Variants in ALOX15 observed in about 807,000 individuals in gnomAD.
ALOX15 encodes the protein arachidonate 15-lipoxygenase.
In ALOX15, 68 loss-of-function variants were observed where a neutral mutation model predicts 71.7. That is an observed-to-expected ratio of 0.95 (90% CI 0.78 to 1.16). ALOX15 has a LOEUF of 1.16. ALOX15 is among the 50% of genes most tolerant of loss of function. The pLI is 0.00. For synonymous variants in ALOX15, 346 were observed against 333.3 expected (o/e 1.04, Z -0.42); for missense variants, 798 against 818.8 (o/e 0.97, Z 0.31).
At position 4,639,423 on chromosome 17, in the gene ALOX15, C is replaced by G. The variant is rs773888759; in HGVS notation, c.337+7G>C. 6.2e-7 allele frequency: 1 copy of G among 1,613,220 alleles called. No homozygotes were observed. The highest frequency in any genetic ancestry group is 1.3e-5 in the African/African-American group (1 of 74,926). On this transcript the variant is annotated splice_region_variant and intron_variant, in intron 2 of 13. Transcript: ENST00000293761. The stretch of plus-strand genomic sequence containing the variant: ...AGGCCTCCTGACACCCTCAGCCCCG[C>G]GCTTACCGGTGCCTTCAGGCAGGCT...
Position 4,632,298 on chromosome 17 carries a change from GAGTT to G in ALOX15, c.1541-21_1541-18del. 2 of 1,609,498 alleles carry G rather than the reference GAGTT, an allele frequency of 1.2e-6. No homozygotes were observed. Among genetic ancestry groups the G allele is most frequent in the East Asian group, 2.2e-5 (1 of 44,854 alleles). The stretch of plus-strand genomic sequence containing the variant: ...CAGGAAACCCTGCAAGGGGTGAAGA[GAGTT>G]AGAAGCTGCGAAGGCAGGAGTAGGG... On this transcript the variant is annotated intron_variant, in intron 11 of 13. Coordinates refer to ENST00000293761, the MANE Select transcript of ALOX15 (RefSeq NM_001140.5).
Position 4,631,553 on chromosome 17 carries a change from T to G in ALOX15, c.*47A>C, listed in dbSNP as rs1456449634. The G allele has an allele frequency of 1.2e-6, 2 of 1,604,532 alleles. No individual in the cohort carries two copies. Among genetic ancestry groups the G allele is most frequent in the Admixed American group, 3.3e-5 (2 of 59,750 alleles). On this transcript the variant is annotated 3_prime_UTR_variant, in exon 14 of 14. Coordinates refer to ENST00000293761, the MANE Select transcript of ALOX15 (RefSeq NM_001140.5). ...GGGCTATAACCACGAAGGGGTCAGC[T>G]TGTGGCTTGGGTGATGGGGGCTGAA... is the stretch of plus-strand genomic sequence containing the variant.
chr17:4,631,888 C>T lies in ALOX15; in HGVS notation c.1809+1G>A. On this transcript the variant is annotated splice_donor_variant, in intron 13 of 13. Coordinates refer to ENST00000293761, the MANE Select transcript of ALOX15 (RefSeq NM_001140.5). LOFTEE classifies it high-confidence loss of function. ...TAGGGCCCTGGGCACTCAGCTCTCACCATAACGGGCTGGCGTCTGCCCAGC... is the reference window on the plus strand; with the variant it reads ...TAGGGCCCTGGGCACTCAGCTCTCATCATAACGGGCTGGCGTCTGCCCAGC... 1 of 1,610,808 alleles carries T rather than the reference C, an allele frequency of 6.2e-7. No individual in the cohort carries two copies. Among genetic ancestry groups the T allele is most frequent in the Non-Finnish European group, 8.5e-7 (1 of 1,178,110 alleles).
intron 8 of ALOX15, 98 bp from the exon 9 acceptor site, chr17:4,633,598 G>A: frequency 2.9e-6 from 3 of 1,025,760 alleles, no homozygotes; most frequent in Admixed American, 4.1e-5. Flanking sequence ...CAGGTCTTCA[G>A]AAAAAGCACA....
At chr17:4,639,020 G>A in intron 3 of ALOX15, 31 bp downstream of exon 3, 1 of 1,614,208 alleles carries the variant, frequency 6.2e-7, no homozygotes, top group South Asian at 1.1e-5. Context: ...AGCATCAGCA[G>A]CTCACGTGGG....
chr17:4,635,867 G>T lies in ALOX15; in HGVS notation c.1053C>A (p.Asp351Glu). 6.2e-7 allele frequency: 1 copy of T among 1,614,264 alleles called. No homozygotes were observed. The highest frequency in any genetic ancestry group is 8.5e-7 in the Non-Finnish European group (1 of 1,180,038). Residue 351 changes from aspartate to glutamate, a missense_variant, in exon 8 of 14, where the codon GAC becomes GAA. This residue lies in a region of ALOX15 where 490 missense variants were observed against 509.4 expected (regional missense o/e 0.96). Transcript: ENST00000293761. The stretch of plus-strand genomic sequence containing the variant: ...GAGACTGCAGCTCATGGAGCTGGAA[G>T]TCAGAGCTGCGCACCCAGCATTTGG... ...LLAKCWVRSS[D>E]FQLHELQSHL... is the part of the protein sequence containing the mutation.
Position 4,631,723 on chromosome 17 carries a change from CA to C in ALOX15, c.1865del (p.Val622GlyfsTer2). 6.2e-7 allele frequency: 1 copy of C among 1,614,220 alleles called. No homozygotes were observed. Among genetic ancestry groups the C allele is most frequent in the Non-Finnish European group, 8.5e-7 (1 of 1,180,044 alleles). On this transcript the variant is annotated frameshift_variant, in exon 14 of 14. Coordinates refer to ENST00000293761, the MANE Select transcript of ALOX15 (RefSeq NM_001140.5). LOFTEE classifies it low-confidence loss of function (END_TRUNC). ...EYFSGPEPKA[V>X]LKKFREELAA... ...CCAGCTCCTCCCTGAACTTCTTCAGCACAGCCTTAGGCTCAGGGCCCGAAAA... is the reference window on the plus strand; with the variant it reads ...CCAGCTCCTCCCTGAACTTCTTCAGCCAGCCTTAGGCTCAGGGCCCGAAAA...
rs761685309 is a variant in ALOX15, at chr17:4,635,910, G to T, written c.1010C>A (p.Pro337Gln). The T allele has an allele frequency of 6.2e-7, 1 of 1,614,234 alleles. No homozygotes were observed. Among genetic ancestry groups the T allele is most frequent in the Non-Finnish European group, 8.5e-7 (1 of 1,180,048 alleles). The change falls in exon 8 of 14, where the codon CCA becomes CAA. Residue 337 changes from proline (P) to glutamine (Q), a missense_variant. Transcript: ENST00000293761. Reference protein sequence around the residue: ...PPPLFLPTDPPMAWLLAKCWV... With the variant: ...PPPLFLPTDPQMAWLLAKCWV... ...GCATTTGGCCAGAAGCCAGGCCATT[G>T]GGGGATCCGTAGGCAAGAAAAGGGG...
chr17:4,632,579 CA>C (rs1346032551), intron 11 of ALOX15, among the ~76,000 whole-genome samples: 1 of 152,102 alleles, frequency 6.6e-6, no homozygotes, highest in African/African-American at 2.4e-5. Context: ...ATATTTATAC[CA>C]TGGAAATGTG....
Position 4,631,100 on chromosome 17 carries a change from G to A in ALOX15, c.*500C>T, listed in dbSNP as rs184061120. ...AAATATTAGCTGGGCATGATGGCAT[G>A]AGCCTGTAGTCCCAGCTACTCAGGA... On this transcript the variant is annotated 3_prime_UTR_variant, in exon 14 of 14. Transcript: ENST00000293761. 2.4e-3 allele frequency: 370 copies of A among 153,070 alleles called. 2 individuals carry two copies. The highest frequency in any genetic ancestry group is 0.014 in the Middle Eastern group (4 of 294). 9.5% of individuals were successfully genotyped at this position (153,070 alleles called of 1,614,324 possible).
chr17:4,631,276 T>G lies in ALOX15; in HGVS notation c.*324A>C. On this transcript the variant is annotated 3_prime_UTR_variant, in exon 14 of 14. Coordinates refer to ENST00000293761, the MANE Select transcript of ALOX15 (RefSeq NM_001140.5). ...TATTTGATTCATAAAAGGTGTGGAGTAATATGTATTATATCCCCCTATTCT... is the reference window on the plus strand; with the variant it reads ...TATTTGATTCATAAAAGGTGTGGAGGAATATGTATTATATCCCCCTATTCT... 3.4e-6 allele frequency: 1 copy of G among 293,792 alleles called. No homozygotes were observed. Among genetic ancestry groups the G allele is most frequent in the Non-Finnish European group, 6.4e-6 (1 of 157,222 alleles). 18.2% of individuals were successfully genotyped at this position (293,792 alleles called of 1,614,324 possible).
intron 7 of ALOX15, 21 bp from the exon 8 acceptor site, chr17:4,635,989 G>A: frequency 6.2e-7 from 1 of 1,610,884 alleles, no homozygotes; most frequent in South Asian, 1.1e-5. Context: ...GACAAGTGTG[G>A]GGAGAGAAGG....
chr17:4,641,267 G>C (rs1395841231), intron 1 of ALOX15, among the ~76,000 whole-genome samples: 2 of 151,878 alleles, frequency 1.3e-5, no homozygotes, highest in Non-Finnish European at 2.9e-5. Context: ...TGTGCAATGA[G>C]GGGCGCACAG....
intron 7 of ALOX15, among the ~76,000 whole-genome samples, 190 bp from the exon 8 acceptor site, chr17:4,636,158 T>C (rs1597431232): frequency 6.6e-6 from 1 of 152,304 alleles, no homozygotes; most frequent in Admixed American, 6.5e-5. Flanking sequence ...ATTAGCACCC[T>C]GCAAGCTGCT....
rs145861416 is a variant in ALOX15 at position 4,638,621 on chromosome 17, G to C, written c.606C>G (p.Asp202Glu). 6.2e-7 allele frequency: 1 copy of C among 1,614,062 alleles called. No individual in the cohort carries two copies. The highest frequency in any genetic ancestry group is 1.7e-5 in the Admixed American group (1 of 60,002). ...GACCACACCAGAAAATCCGGTTGAA[G>C]TCATCTAGATCCTTCCAGCAAGTCA... ...NVLTCWKDLDDFNRIFWCGQS... is the reference protein window; with the variant it reads ...NVLTCWKDLDEFNRIFWCGQS... Residue 202 changes from aspartate to glutamate, a missense_variant, in exon 5 of 14, where the codon GAC becomes GAG. Asp to Glu is a conservative substitution (Grantham distance 45, BLOSUM62 2). Around this residue, in one of 3 missense-constraint regions of ALOX15, gnomAD observed 300 missense variants for 283.1 expected, o/e 1.06. Transcript: ENST00000293761.
In ALOX15 at chr17:4,633,493, A is replaced by ATT. The variant is rs1910989203; in HGVS notation, c.1167_1168dup (p.Ile390LysfsTer29). Reference sequence around the variant, plus strand: ...TTCCAGGGTGTATCGCAGGTGGGGAATTATAAGCTAGAGGGAGAAACACAG... The same window carrying ATT: ...TTCCAGGGTGTATCGCAGGTGGGGAATTTTATAAGCTAGAGGGAGAAACACAG... On this transcript the variant is annotated frameshift_variant, in exon 9 of 14. Transcript: ENST00000293761. LOFTEE classifies it high-confidence loss of function. 6.2e-7 allele frequency: 1 copy of ATT among 1,613,724 alleles called. No individual in the cohort carries two copies. Among genetic ancestry groups the ATT allele is most frequent in the Non-Finnish European group, 8.5e-7 (1 of 1,179,778 alleles).
chr17:4,631,810 C>T, intron 13 of ALOX15, 31 bp from the exon 14 acceptor site: 4 of 1,612,298 alleles, frequency 2.5e-6, no homozygotes, highest in Non-Finnish European at 3.4e-6. Flanking sequence ...TGGCTGAGAG[C>T]CTTATGACCC....
chr17:4,635,826 T>A lies in ALOX15; in HGVS notation c.1094A>T (p.His365Leu). 1 of 1,614,246 alleles carries A rather than the reference T, an allele frequency of 6.2e-7. No homozygotes were observed. Among genetic ancestry groups the A allele is most frequent in the South Asian group, 1.1e-5 (1 of 91,088 alleles). Residue 365 changes from histidine to leucine, a missense_variant, in exon 8 of 14, where the codon CAC becomes CTC. By Grantham distance (99) the His-to-Leu change is moderately conservative. Transcript: ENST00000293761. The stretch of plus-strand genomic sequence containing the variant: ...CACAACAATGACCTCAGCCATCAAG[T>A]GTCCCCTCAGAAGATGAGACTGCAG... ...HELQSHLLRG[H>L]LMAEVIVVAT...
At chr17:4,638,756 T>TA (rs2150537826) in intron 4 of ALOX15, 72 bp from the exon 5 acceptor site, 1 of 1,613,124 alleles carries the variant, frequency 6.2e-7, no homozygotes, top group East Asian at 2.2e-5. Context: ...CAGGCACCGA[T>TA]CCTGGGCCAG....
Sources: allele counts gnomAD v4.1 joint callset (sites outside exome capture counted in the v4.1 genomes callset), GRCh38; gene constraint gnomAD v4.1.1; regional missense constraint gnomAD v4.1.1; transcripts MANE v1.5; gene names NCBI Gene and HGNC (gene_info 2026-07-23, HGNC 2026-07-21).